Variants in FBLN7 observed in about 807,000 individuals in gnomAD.
FBLN7 encodes the protein fibulin 7, also known as fibulin-7.
In FBLN7, 31 loss-of-function variants were observed where a neutral mutation model predicts 44.0. The ratio of observed to expected loss-of-function variants is 0.70; its 90% confidence interval spans 0.53 to 0.95. The LOEUF (loss-of-function observed/expected upper bound fraction) is 0.95. Among genes scored for constraint, FBLN7 ranks in the 40% least tolerant of loss-of-function variants. The probability of loss-of-function intolerance (pLI) is 0.00; values close to 1 mark genes in which losing one functional copy is unlikely to be tolerated. For synonymous variants in FBLN7, 262 were observed against 253.4 expected (o/e 1.03, Z -0.32); for missense variants, 573 against 618.5 (o/e 0.93, Z 0.78).
the FBLN7 span, among the ~76,000 whole-genome samples, chr2:112,226,219 GTTTT>G: frequency 1.3e-5 from 2 of 148,452 alleles, no homozygotes; most frequent in African/African-American, 4.9e-5. Context: ...TACCAAAGCT[GTTTT>G]TTTTTTAAAA....
chr2:112,153,980 G>A (rs745805509), intron 1 of FBLN7, among the ~76,000 whole-genome samples: 7 of 152,278 alleles, frequency 4.6e-5, no homozygotes, highest in East Asian at 1.9e-4. Flanking sequence ...ACTGGTCTGC[G>A]TCTTCCAGAA....
At chr2:112,239,354 T>A in the FBLN7 span, among the ~76,000 whole-genome samples, 4 of 152,186 alleles carry the variant, frequency 2.6e-5, no homozygotes, top group Non-Finnish European at 5.9e-5. Context: ...AGTTTATTTT[T>A]AAAAAATGAC....
In FBLN7 at chr2:112,138,489, C is replaced by T; in HGVS notation, c.-167C>T. On this transcript the variant is annotated 5_prime_UTR_variant, in exon 1 of 8. Coordinates refer to ENST00000331203, the MANE Select transcript of FBLN7 (RefSeq NM_153214.3). ...AAGGCCCGGGCGGCGCCGATCCCCG[C>T]GGGACGCGCTGCGCTCGGGGCCTCC... The T allele has an allele frequency of 2.5e-6, 2 of 799,158 alleles. No homozygotes were observed. Among genetic ancestry groups the T allele is most frequent in the Non-Finnish European group, 1.7e-6 (1 of 589,122 alleles). 49.5% of individuals were successfully genotyped at this position (799,158 alleles called of 1,614,324 possible).
At chr2:112,233,454 A>G in the FBLN7 span, 1 of 911,644 alleles carries the variant, frequency 1.1e-6, no homozygotes, top group Non-Finnish European at 1.7e-6. Context: ...AACTTTAAAT[A>G]AGCAAATGAT....
chr2:112,197,445 C>G, the FBLN7 span, among the ~76,000 whole-genome samples: 3 of 152,130 alleles, frequency 2.0e-5, no homozygotes, highest in Non-Finnish European at 2.9e-5. Context: ...TTCCCTGCAG[C>G]CTTTGGAGGA....
chr2:112,194,010 G>A, the FBLN7 span, among the ~76,000 whole-genome samples: 12 of 152,166 alleles, frequency 7.9e-5, no homozygotes, highest in Non-Finnish European at 1.6e-4. Flanking sequence ...TGGATTCGGT[G>A]GGCCAGTAGT....
chr2:112,160,248 C>T (rs1681686592), intron 2 of FBLN7, among the ~76,000 whole-genome samples: 1 of 152,194 alleles, frequency 6.6e-6, no homozygotes, highest in Non-Finnish European at 1.5e-5. Context: ...CCTCGGCCTC[C>T]CAAAGTGCTG....
intron 1 of FBLN7, among the ~76,000 whole-genome samples, chr2:112,144,987 A>G (rs1377674590): frequency 6.6e-6 from 1 of 152,258 alleles, no homozygotes; most frequent in Non-Finnish European, 1.5e-5. Context: ...TTGTTGGGTC[A>G]TATGGTAAAT....
At chr2:112,231,984 C>CA in the FBLN7 span, 4 of 1,217,650 alleles carry the variant, frequency 3.3e-6, no homozygotes, top group Non-Finnish European at 4.7e-6. Context: ...AATTTTAATC[C>CA]AATTGAAATA....
At chr2:112,172,820 GAC>G (rs1682542099) in intron 3 of FBLN7, among the ~76,000 whole-genome samples, 1 of 151,960 alleles carries the variant, frequency 6.6e-6, no homozygotes, top group Non-Finnish European at 1.5e-5. Context: ...TTTTAATAAA[GAC>G]AAGGTTTCGC....
At chr2:112,186,517 G>A (rs1485681944) in intron 7 of FBLN7, among the ~76,000 whole-genome samples, 1 of 152,148 alleles carries the variant, frequency 6.6e-6, no homozygotes. Context: ...GTGGGCACCT[G>A]TAATCCCAGC....
the FBLN7 span, chr2:112,230,932 T>C: frequency 7.9e-7 from 1 of 1,260,834 alleles, no homozygotes; most frequent in Non-Finnish European, 1.0e-6. Context: ...TTACATGACT[T>C]CTTTTCAGTA....
At chr2:112,170,137 G>A (rs944141290) in intron 3 of FBLN7, among the ~76,000 whole-genome samples, 3 of 152,098 alleles carry the variant, frequency 2.0e-5, no homozygotes, top group Admixed American at 2.0e-4. Context: ...AGCTACTTGG[G>A]AGGCTGAGGC....
chr2:112,176,075 C>T (rs79396256), intron 4 of FBLN7: 4,386 of 352,764 alleles, frequency 0.012, 160 homozygotes, highest in African/African-American at 0.083. Context: ...AAAACACAAG[C>T]GCAAGAACTG....
At chr2:112,231,020 C>T in the FBLN7 span, 15 of 955,838 alleles carry the variant, frequency 1.6e-5, no homozygotes, top group Non-Finnish European at 1.9e-5. Context: ...CTGTCATATT[C>T]ATAACTTTCA....
the FBLN7 span, among the ~76,000 whole-genome samples, chr2:112,231,223 G>T: frequency 3.3e-5 from 5 of 152,020 alleles, no homozygotes; most frequent in Non-Finnish European, 5.9e-5. Context: ...CTATAAACAA[G>T]CACCTTTGAC....
intron 4 of FBLN7, among the ~76,000 whole-genome samples, chr2:112,180,605 A>G (rs1682930429): frequency 6.6e-6 from 1 of 152,212 alleles, no homozygotes; most frequent in Non-Finnish European, 1.5e-5. Flanking sequence ...ATGCTCGTCA[A>G]TAACAGACTG....
At chr2:112,194,925 CAG>C in the FBLN7 span, among the ~76,000 whole-genome samples, 1 of 152,184 alleles carries the variant, frequency 6.6e-6, no homozygotes, top group African/African-American at 2.4e-5. Flanking sequence ...ATGGTAGAAA[CAG>C]AGTGAGAAAT....
chr2:112,187,335 C>T lies in FBLN7; in HGVS notation c.1149C>T (p.His383=), dbSNP rs143978448. 52 of 1,614,194 alleles carry T rather than the reference C, an allele frequency of 3.2e-5. No individual in the cohort carries two copies. In the African/African-American group the frequency reaches 6.7e-4, roughly 21 times the overall value. The change falls in exon 8 of 8, where the codon CAC becomes CAT. Residue 383 remains histidine, a synonymous_variant. Coordinates refer to ENST00000331203, the MANE Select transcript of FBLN7 (RefSeq NM_153214.3). The surrounding 1 kb of genome is among the most constrained non-coding windows in gnomAD (Gnocchi z 5.1). ...TCGTGGGTGGGAACAGCCGCGGCCA[C>T]TTTGTGATGCAGCGTTCAGACCGGC... is the stretch of plus-strand genomic sequence containing the variant. ...FGIVGGNSRG[H]FVMQRSDRQT... is the part of the protein sequence containing the mutation.
Sources: gnomAD v4.1 joint callset for allele counts (sites outside exome capture counted in the v4.1 genomes callset) on GRCh38, gnomAD v4.1.1 for gene constraint, Gnocchi (gnomAD v3.1) non-coding constraint, MANE v1.5 for transcripts, NCBI Gene and HGNC (gene_info 2026-07-23, HGNC 2026-07-21) for gene names.